DHX9: variants seen among roughly 807,000 people sequenced by gnomAD.
The protein encoded by DHX9 is DExH-box helicase 9, also known as ATP-dependent RNA helicase A.
Under a neutral mutation model 148.7 loss-of-function variants are expected in DHX9, and 27 were observed. The observed-to-expected ratio is 0.18, with a 90% CI of 0.13 to 0.25. The LOEUF is 0.25. Ranked by LOEUF, DHX9 falls within the 10% of genes least tolerant of loss-of-function variation. DHX9 has a pLI of 1.00. For synonymous variants in DHX9, 529 were observed against 516.6 expected (o/e 1.02, Z -0.33); for missense variants, 796 against 1,559.6 (o/e 0.51, Z 8.25).
intron 12 of DHX9, among the ~76,000 whole-genome samples, chr1:182,862,608 C>T (rs975237763): frequency 1.3e-5 from 2 of 152,166 alleles, no homozygotes; most frequent in African/African-American, 4.8e-5. Context: ...GAGCCTGATA[C>T]ATTTTGTAGT....
intron 21 of DHX9, among the ~76,000 whole-genome samples, chr1:182,879,833 C>T (rs912284907): frequency 1.3e-5 from 2 of 152,046 alleles, no homozygotes; most frequent in Non-Finnish European, 2.9e-5. Context: ...TCAAGCCATT[C>T]TTCTGCCTCA....
At chr1:182,876,342 A>G in intron 17 of DHX9, 79 bp downstream of exon 17, 1 of 1,570,724 alleles carries the variant, frequency 6.4e-7, no homozygotes, top group Admixed American at 1.7e-5. Context: ...ATGTGAAAAC[A>G]AAATTTTGTA....
At position 182,881,580 on chromosome 1, in the gene DHX9, A is replaced by C. The variant is rs755874349; in HGVS notation, c.2847A>C (p.Thr949=). 8 of 1,613,528 alleles carry C rather than the reference A, an allele frequency of 5.0e-6. No individual in the cohort carries two copies. The highest frequency in any genetic ancestry group is 4.4e-5 in the South Asian group (4 of 90,804). ...FCEHKRLNMA[T]LRMTWEAKVQ... is the part of the protein sequence containing the mutation. ...AGCACAAAAGACTTAATATGGCTAC[A>C]CTAAGAATGACTTGGGAAGCCAAAG... is the stretch of plus-strand genomic sequence containing the variant. Residue 949 remains threonine, a synonymous_variant, in exon 24 of 28, where the codon ACA becomes ACC. Transcript: ENST00000367549.
intron 3 of DHX9, among the ~76,000 whole-genome samples, chr1:182,843,746 TAAATA>T (rs1003444290): frequency 6.6e-6 from 1 of 152,192 alleles, no homozygotes; most frequent in Non-Finnish European, 1.5e-5. Flanking sequence ...GATAATACTT[TAAATA>T]AAATAGAAAA....
At chr1:182,852,015 A>ATTGTGACAGGTTG (rs1668159809) in intron 3 of DHX9, among the ~76,000 whole-genome samples, 2 of 152,206 alleles carry the variant, frequency 1.3e-5, no homozygotes, top group African/African-American at 4.8e-5. Flanking sequence ...GAAATACAGT[A>ATTGTGACAGGTTG]TTGTGACAGG....
chr1:182,842,506 A>T, intron 1 of DHX9, 39 bp from the exon 2 acceptor site: 1 of 1,233,764 alleles, frequency 8.1e-7, no homozygotes, highest in Non-Finnish European at 1.2e-6. Flanking sequence ...AGTTTTTGCT[A>T]TTATAAATGC....
intron 20 of DHX9, 124 bp downstream of exon 20, chr1:182,878,297 A>G (rs1202507160): frequency 4.5e-6 from 5 of 1,101,698 alleles, no homozygotes; most frequent in East Asian, 2.5e-5. Context: ...TGTTGGAATC[A>G]GGTGTAAATG....
chr1:182,881,491 G>GA (rs1374867352), intron 23 of DHX9, 29 bp from the exon 24 acceptor site: 1 of 1,608,142 alleles, frequency 6.2e-7, no homozygotes. Context: ...TGGTCTTAGA[G>GA]AATGATTTCT....
intron 20 of DHX9, 145 bp from the exon 21 acceptor site, chr1:182,879,105 G>A (rs1401085816): frequency 4.4e-5 from 26 of 595,656 alleles, no homozygotes; most frequent in South Asian, 5.1e-5. Flanking sequence ...TGTGTATAGT[G>A]AACGATAAAA....
At position 182,874,973 on chromosome 1, in the gene DHX9, G is replaced by T; in HGVS notation, c.1815+19G>T. The T allele has an allele frequency of 1.9e-6, 3 of 1,586,480 alleles. No individual in the cohort carries two copies. In the South Asian group the frequency reaches 3.3e-5, roughly 18 times the overall value. ...TGATGATGTAAGTGAATTTCATGAA[G>T]AATTTCCATTATGGGCAAATTGTCA... On this transcript the variant is annotated intron_variant, in intron 16 of 27. Coordinates refer to ENST00000367549, the MANE Select transcript of DHX9 (RefSeq NM_001357.5).
At chr1:182,867,311 A>G (rs1322421153) in intron 14 of DHX9, among the ~76,000 whole-genome samples, 3 of 152,218 alleles carry the variant, frequency 2.0e-5, no homozygotes, top group South Asian at 4.1e-4. Flanking sequence ...TAATTCAGCA[A>G]TTGAACTAAT....
chr1:182,863,508 A>T (rs536606914), intron 12 of DHX9, among the ~76,000 whole-genome samples: 8 of 152,328 alleles, frequency 5.3e-5, no homozygotes, highest in African/African-American at 1.7e-4. Context: ...CTTATAATAG[A>T]AGTGGCCGTG....
intron 24 of DHX9, among the ~76,000 whole-genome samples, chr1:182,882,378 T>C (rs1259836866): frequency 6.6e-6 from 1 of 152,238 alleles, no homozygotes; most frequent in Non-Finnish European, 1.5e-5. Context: ...ACTGTCATGC[T>C]TTCCAGTCAG....
intron 22 of DHX9, among the ~76,000 whole-genome samples, 175 bp downstream of exon 22, chr1:182,880,783 C>T (rs1484917374): frequency 6.6e-6 from 1 of 151,950 alleles, no homozygotes; most frequent in East Asian, 1.9e-4. Flanking sequence ...TGAACAGTTC[C>T]AGTAGGTGGA....
chr1:182,875,187 A>G (rs1326187003), intron 16 of DHX9: 1 of 541,704 alleles, frequency 1.8e-6, no homozygotes, highest in Non-Finnish European at 3.5e-6. Context: ...TCAAAGGAAA[A>G]AGAAGAAAGA....
In DHX9 at chr1:182,849,991, CCT is replaced by C. The variant is rs200010192; in HGVS notation, c.253-2241_253-2240del. 5.4e-4 allele frequency among the ~76,000 whole-genome samples: 79 copies of C among 146,862 alleles called. 1 individual carries two copies. Among genetic ancestry groups the C allele is most frequent in the South Asian group, 1.1e-3 (5 of 4,584 alleles). On this transcript the variant is annotated intron_variant, in intron 3 of 27. Transcript: ENST00000367549. Reference sequence around the variant, plus strand: ...TAAAGTGTACACACGTACCCCCCCCCCTTTTTTTTTTAATTTCATCAGCGTTC... The same window carrying C: ...TAAAGTGTACACACGTACCCCCCCCCTTTTTTTTTAATTTCATCAGCGTTC...
At position 182,852,354 on chromosome 1, in the gene DHX9, T is replaced by C; in HGVS notation, c.364+10T>C. The C allele has an allele frequency of 6.4e-7, 1 of 1,570,344 alleles. No homozygotes were observed. Among genetic ancestry groups the C allele is most frequent in the Non-Finnish European group, 8.7e-7 (1 of 1,147,112 alleles). ...CTGGCTCTCAAAGCAGGTAAGGGAC[T>C]TGAATCCATGCACGTGGTGGAGAAT... On this transcript the variant is annotated intron_variant, in intron 4 of 27. Transcript: ENST00000367549.
intron 27 of DHX9, among the ~76,000 whole-genome samples, chr1:182,885,966 C>T (rs550732189): frequency 1.3e-5 from 2 of 151,962 alleles, no homozygotes; most frequent in Admixed American, 6.6e-5. Context: ...GATAACAGTC[C>T]GGAAACTAGA....
At chr1:182,881,918 C>T (rs896783298) in intron 24 of DHX9, among the ~76,000 whole-genome samples, 4 of 152,056 alleles carry the variant, frequency 2.6e-5, no homozygotes, top group African/African-American at 7.2e-5. Flanking sequence ...TTTATACTTT[C>T]GGTGTACAGA....
Sources: gnomAD v4.1 joint callset for allele counts (sites outside exome capture counted in the v4.1 genomes callset) on GRCh38, gnomAD v4.1.1 for gene constraint, MANE v1.5 for transcripts, NCBI Gene and HGNC (gene_info 2026-07-23, HGNC 2026-07-21) for gene names.